Variants in TMEM132C observed in about 807,000 individuals in gnomAD.
TMEM132C encodes the protein transmembrane protein 132C, also known as protein phosphatase 1, regulatory subunit 152.
Under a neutral mutation model 61.4 loss-of-function variants are expected in TMEM132C, and 29 were observed. The observed-to-expected ratio is 0.47, with a 90% CI of 0.35 to 0.64. The LOEUF is 0.64. Among genes scored for constraint, TMEM132C ranks in the 30% least tolerant of loss-of-function variants. The pLI, the probability that TMEM132C is intolerant of heterozygous loss-of-function variation, is 0.00. For missense variants in TMEM132C, 1,408 were observed against 1,476.9 expected, an observed-to-expected ratio of 0.95 and a Z score of 0.76; for synonymous variants, 656 against 633.1, an observed-to-expected ratio of 1.04 and a Z score of -0.54.
chr12:128,589,854 G>A (rs950933755), intron 3 of TMEM132C, among the ~76,000 whole-genome samples: 8 of 152,066 alleles, frequency 5.3e-5, no homozygotes, highest in Non-Finnish European at 8.8e-5. Flanking sequence ...GGAATAAAGC[G>A]TACTTACCTC....
intron 1 of TMEM132C, among the ~76,000 whole-genome samples, chr12:128,374,575 G>A (rs1251245156): frequency 1.3e-5 from 2 of 152,062 alleles, no homozygotes; most frequent in African/African-American, 2.4e-5. Flanking sequence ...TCCACTTGGT[G>A]TCTTTTGCAC....
rs537463003 is a variant in TMEM132C, at chr12:128,319,051, G to A, written c.85+51564G>A. Among the ~76,000 whole-genome samples, 6 of 152,266 alleles carry A rather than the reference G, an allele frequency of 3.9e-5. No individual in the cohort carries two copies. In the South Asian group the frequency reaches 8.3e-4, roughly 21 times the overall value. On this transcript the variant is annotated intron_variant, in intron 1 of 8. Transcript: ENST00000435159. The stretch of plus-strand genomic sequence containing the variant: ...CTGTTAACTCATATCCTACTTTTGT[G>A]ACTTAGACTGAGATGTTCCAGTGAG...
chr12:128,463,610 C>T (rs1336474145), intron 2 of TMEM132C, among the ~76,000 whole-genome samples: 2 of 152,236 alleles, frequency 1.3e-5, no homozygotes, highest in African/African-American at 2.4e-5. Flanking sequence ...TGACCCACCT[C>T]GCCCAGCCCA....
In TMEM132C at chr12:128,696,160, G is replaced by T. The variant is rs973870645; in HGVS notation, c.1929+57G>T. The T allele has an allele frequency of 5.3e-6, 8 of 1,513,910 alleles. No homozygotes were observed. The African/African-American group carries it at 6.9e-5, about 13-fold the overall frequency. The allele number at this position is 1,513,910 out of a possible 1,614,324, so 93.8% of individuals were successfully genotyped here. On this transcript the variant is annotated intron_variant, in intron 7 of 8. Coordinates refer to ENST00000435159, the MANE Select transcript of TMEM132C (RefSeq NM_001136103.3). ...ACTGGGCATGTGTGCAGTGTTGAGG[G>T]AGAGTCAATGGGTGGGCAGATCACT... is the stretch of plus-strand genomic sequence containing the variant.
At chr12:128,582,337 C>A (rs796444263) in intron 3 of TMEM132C, among the ~76,000 whole-genome samples, 1 of 151,676 alleles carries the variant, frequency 6.6e-6, no homozygotes, top group African/African-American at 2.4e-5. Context: ...ATTTCATAAT[C>A]TCACAGGTGA....
intron 1 of TMEM132C, among the ~76,000 whole-genome samples, chr12:128,412,675 G>A (rs1555223203): frequency 6.6e-6 from 1 of 152,230 alleles, no homozygotes; most frequent in African/African-American, 2.4e-5. Flanking sequence ...CACCATGATT[G>A]TGAGGCCTCC....
At chr12:128,456,320 T>G (rs186508240) in intron 2 of TMEM132C, among the ~76,000 whole-genome samples, 39 of 149,056 alleles carry the variant, frequency 2.6e-4, no homozygotes, top group African/African-American at 9.2e-4. Flanking sequence ...TTAACATAAT[T>G]TACTACATTA....
intron 4 of TMEM132C, among the ~76,000 whole-genome samples, chr12:128,622,360 A>AAAAAAAAAAATAT (rs1277080166): frequency 6.6e-5 from 2 of 30,118 alleles, no homozygotes; most frequent in African/African-American, 3.3e-4. Flanking sequence ...AAAAAAAAAA[A>AAAAAAAAAAATAT]ATATATATAT....
At chr12:128,386,212 G>A (rs1713608) in intron 1 of TMEM132C, among the ~76,000 whole-genome samples, 52,359 of 152,008 alleles carry the variant, frequency 0.34, 9,996 homozygotes, top group African/African-American at 0.52. Flanking sequence ...TCCTGCCCAC[G>A]TACCCCTCTC....
intron 4 of TMEM132C, among the ~76,000 whole-genome samples, chr12:128,663,729 G>A (rs1380586656): frequency 6.6e-6 from 1 of 152,198 alleles, no homozygotes; most frequent in Non-Finnish European, 1.5e-5. Context: ...GTGTGTGCTT[G>A]TGTTTGTATA....
chr12:128,407,693 G>A (rs1337970883), intron 1 of TMEM132C, among the ~76,000 whole-genome samples: 2 of 152,160 alleles, frequency 1.3e-5, no homozygotes, highest in Non-Finnish European at 2.9e-5. Flanking sequence ...GTGGAAATGT[G>A]CAAGGCCCCT....
intron 1 of TMEM132C, among the ~76,000 whole-genome samples, chr12:128,289,737 T>G (rs1323825399): frequency 6.6e-6 from 1 of 152,244 alleles, no homozygotes; most frequent in Non-Finnish European, 1.5e-5. Flanking sequence ...CACTTCCATT[T>G]ACTTAACAAC....
chr12:128,687,358 A>G (rs948683730), intron 5 of TMEM132C, among the ~76,000 whole-genome samples: 2 of 152,138 alleles, frequency 1.3e-5, no homozygotes, highest in African/African-American at 4.8e-5. Context: ...GATGTTGAGT[A>G]CCATCATCCC....
chr12:128,654,374 G>C (rs1335385747), intron 4 of TMEM132C, among the ~76,000 whole-genome samples: 1 of 152,136 alleles, frequency 6.6e-6, no homozygotes, highest in East Asian at 1.9e-4. Context: ...ATCCTGCCCT[G>C]CAGCCTCAGA....
intron 2 of TMEM132C, among the ~76,000 whole-genome samples, chr12:128,526,024 C>G (rs1350435): frequency 0.94 from 143,901 of 152,292 alleles, 68,451 homozygotes; most frequent in East Asian, 1. Flanking sequence ...GCAGGAATGT[C>G]TCTGGGCCTT....
At chr12:128,673,675 G>A (rs1593143899) in intron 5 of TMEM132C, among the ~76,000 whole-genome samples, 1 of 152,258 alleles carries the variant, frequency 6.6e-6, no homozygotes, top group Admixed American at 6.5e-5. Context: ...CATGGAGAAT[G>A]TCTCCCGAAG....
intron 1 of TMEM132C, among the ~76,000 whole-genome samples, chr12:128,268,720 G>A (rs1870404553): frequency 6.6e-6 from 1 of 152,042 alleles, no homozygotes; most frequent in South Asian, 2.1e-4. Flanking sequence ...TTTAAAAGTA[G>A]CGTTTGCTTT....
intron 5 of TMEM132C, among the ~76,000 whole-genome samples, chr12:128,683,964 T>A (rs1369739279): frequency 7.7e-6 from 1 of 130,012 alleles, no homozygotes; most frequent in Non-Finnish European, 1.7e-5. Context: ...AAAACTCTGT[T>A]TGAAATTAAA....
chr12:128,639,211 G>C (rs1466433831), intron 4 of TMEM132C, among the ~76,000 whole-genome samples: 1 of 150,554 alleles, frequency 6.6e-6, no homozygotes, highest in Admixed American at 6.6e-5. Context: ...TGATGATGAT[G>C]GTGATGATAA....
Sources: gnomAD v4.1 joint callset for allele counts (sites outside exome capture counted in the v4.1 genomes callset) on GRCh38, gnomAD v4.1.1 for gene constraint, MANE v1.5 for transcripts, NCBI Gene and HGNC (gene_info 2026-07-23, HGNC 2026-07-21) for gene names.